Variants in GRIN1 observed in about 807,000 individuals in gnomAD.
The protein encoded by GRIN1 is glutamate receptor ionotropic, NMDA 1.
A neutral mutation model predicts 103.0 loss-of-function variants in GRIN1; 38 were observed. That is an observed-to-expected ratio of 0.37 (90% confidence interval 0.28 to 0.48). The LOEUF (loss-of-function observed/expected upper bound fraction) is 0.48. GRIN1 is among the 20% of genes least tolerant of loss of function. The pLI is 0.98. For synonymous variants in GRIN1, 544 were observed against 532.7 expected (o/e 1.02, Z -0.29); for missense variants, 577 against 1,288.9 (o/e 0.45, Z 8.46).
rs1171916189 is a variant in GRIN1, at chr9:137,146,068, C to G, written c.570+166C>G. ...CAGCCTGTCCTCGGCTCATTTCACT[C>G]GCTTTTGCCATTAGTCGAAATCTCC... On this transcript the variant is annotated intron_variant, in intron 3 of 19. Coordinates refer to ENST00000371561, the MANE Select transcript of GRIN1 (RefSeq NM_007327.4). This position sits in a 1 kb window ranked among gnomAD's most constrained non-coding sequence, Gnocchi z 6.7. Among the ~76,000 whole-genome samples the G allele has an allele frequency of 2.0e-5, 3 of 152,182 alleles. No homozygotes were observed. Among genetic ancestry groups the G allele is most frequent in the African/African-American group, 4.8e-5 (2 of 41,426 alleles).
chr9:137,141,920 T>A, intron 1 of GRIN1, 93 bp from the exon 2 acceptor site: 1 of 1,365,762 alleles, frequency 7.3e-7, no homozygotes, highest in South Asian at 1.2e-5. Flanking sequence ...CTTAGCCTGC[T>A]GGGTTCAGCC....
intron 1 of GRIN1, among the ~76,000 whole-genome samples, chr9:137,140,094 C>T (rs1731875180): frequency 6.6e-6 from 1 of 152,212 alleles, no homozygotes; most frequent in African/African-American, 2.4e-5. Context: ...ACATGCCCGC[C>T]CTGCAGAGCT....
intron 5 of GRIN1, 30 bp from the exon 6 acceptor site, chr9:137,156,833 C>G (rs1455923711): frequency 6.2e-7 from 1 of 1,607,228 alleles, no homozygotes. Context: ...GGGGAGGACC[C>G]CACGGGCTCT....
intron 19 of GRIN1, 64 bp downstream of exon 19, chr9:137,165,360 C>T (rs1564366860): frequency 1.7e-5 from 17 of 1,013,804 alleles, no homozygotes; most frequent in South Asian, 3.8e-5. Flanking sequence ...GTGTGTCTCC[C>T]GCCCCATCAC....
chr9:137,141,893 T>A lies in GRIN1; in HGVS notation c.259-120T>A, dbSNP rs576912060. 1.0e-4 allele frequency: 110 copies of A among 1,058,800 alleles called. No homozygotes were observed. In the East Asian group the frequency reaches 1.1e-3, roughly 11 times the overall value. The allele number at this position is 1,058,800 out of a possible 1,614,324, so 65.6% of individuals were successfully genotyped here. ...CCTGGGCATGTAGCATGTACCCGAA[T>A]CATGCCCCCAGCCCCCCTTAGCCTG... On this transcript the variant is annotated intron_variant, in intron 1 of 19. Transcript: ENST00000371561.
intron 4 of GRIN1, among the ~76,000 whole-genome samples, chr9:137,154,238 C>A (rs182421951): frequency 0.011 from 1,628 of 150,418 alleles, 13 homozygotes; most frequent in Non-Finnish European, 0.018. Flanking sequence ...GATTCTCGTG[C>A]CTCAGCCTCC....
chr9:137,163,712 T>A (rs577992036), intron 17 of GRIN1, 44 bp downstream of exon 17: 1 of 1,613,308 alleles, frequency 6.2e-7, no homozygotes, highest in African/African-American at 1.3e-5. Context: ...CTCCGTGGGC[T>A]GCGGCCTCCC....
intron 5 of GRIN1, 35 bp from the exon 6 acceptor site, chr9:137,156,828 G>C (rs528574979): frequency 6.2e-7 from 1 of 1,605,984 alleles, no homozygotes; most frequent in East Asian, 2.2e-5. Flanking sequence ...CGAACGGGGA[G>C]GACCCCACGG....
chr9:137,145,642 G>A, intron 2 of GRIN1, 84 bp from the exon 3 acceptor site: 1 of 1,172,266 alleles, frequency 8.5e-7, no homozygotes, highest in Non-Finnish European at 1.2e-6. Context: ...CCAGCCTCCG[G>A]CGGGTGTTCC....
rs2131307952 is a variant in GRIN1, at chr9:137,165,194, G to A, written c.2598G>A (p.Lys866=). ...ATACATATTCATTTTAGGATAGAAA[G>A]AGTGGTAGAGCAGAGCCTGACCCTA... The part of the protein sequence containing the change: ...NVWRKNLQDR[K]SGRAEPDPKK... Residue 866 remains lysine (K), a synonymous_variant, in exon 19 of 20, where the codon AAG becomes AAA. Transcript: ENST00000371561. The A allele has an allele frequency of 1.2e-6, 2 of 1,603,224 alleles. No homozygotes were observed. The highest frequency in any genetic ancestry group is 1.7e-6 in the Non-Finnish European group (2 of 1,171,078).
chr9:137,147,190 C>T (rs1363636993), intron 3 of GRIN1, among the ~76,000 whole-genome samples: 1 of 152,090 alleles, frequency 6.6e-6, no homozygotes, highest in East Asian at 1.9e-4. Context: ...TGCACACATT[C>T]CCATCACACT....
intron 4 of GRIN1, among the ~76,000 whole-genome samples, chr9:137,154,139 G>C (rs894195107): frequency 7.5e-6 from 1 of 133,606 alleles, no homozygotes; most frequent in Non-Finnish European, 1.6e-5. Flanking sequence ...TTTTGTGTGT[G>C]TGTGTGAGAC....
At chr9:137,145,699 AG>A in intron 2 of GRIN1, 26 bp from the exon 3 acceptor site, 1 of 1,603,482 alleles carries the variant, frequency 6.2e-7, no homozygotes, top group Non-Finnish European at 8.5e-7. Context: ...GGTCCACCTC[AG>A]CCCGCCGTGC....
chr9:137,154,037 C>T (rs1470692138), intron 4 of GRIN1, among the ~76,000 whole-genome samples: 4 of 151,574 alleles, frequency 2.6e-5, no homozygotes, highest in African/African-American at 9.7e-5. Flanking sequence ...GTCTTGAACT[C>T]CTGACCTCAG....
intron 2 of GRIN1, among the ~76,000 whole-genome samples, chr9:137,145,490 CA>C (rs1324136550): frequency 5.7e-5 from 6 of 105,286 alleles, no homozygotes; most frequent in African/African-American, 2.3e-4. Flanking sequence ...GGGGTGGGGA[CA>C]GGGGTGGGAG....
At chr9:137,158,761 C>G (rs1323442523) in intron 8 of GRIN1, 57 bp downstream of exon 8, 8 of 1,295,740 alleles carry the variant, frequency 6.2e-6, no homozygotes, top group Non-Finnish European at 7.9e-6. Context: ...CATCCACCCC[C>G]TCTGGCCTGA....
intron 3 of GRIN1, among the ~76,000 whole-genome samples, chr9:137,147,016 C>A (rs1832573904): frequency 7.1e-6 from 1 of 140,914 alleles, no homozygotes; most frequent in Non-Finnish European, 1.6e-5. Flanking sequence ...CGACAGGCCC[C>A]TCCCCCCAGC....
chr9:137,163,721 C>A, intron 17 of GRIN1, 38 bp from the exon 18 acceptor site: 1 of 1,613,528 alleles, frequency 6.2e-7, no homozygotes, highest in Non-Finnish European at 8.5e-7. Context: ...CTGCGGCCTC[C>A]CTGGCCAGCA....
At chr9:137,164,721 C>G in intron 18 of GRIN1, 1 of 223,350 alleles carries the variant, frequency 4.5e-6, no homozygotes. Context: ...GCCAGAGTCC[C>G]GGGAGCTGCC....
Sources: gnomAD v4.1 joint callset for allele counts (sites outside exome capture counted in the v4.1 genomes callset) on GRCh38, gnomAD v4.1.1 for gene constraint, Gnocchi (gnomAD v3.1) non-coding constraint, MANE v1.5 for transcripts, NCBI Gene and HGNC (gene_info 2026-07-23, HGNC 2026-07-21) for gene names.